CENPF: variants seen among roughly 807,000 people sequenced by gnomAD.
The protein encoded by CENPF is centromere protein F, also known as AH antigen.
In CENPF, 214 loss-of-function variants were observed where a neutral mutation model predicts 307.3. That is an observed-to-expected ratio of 0.70 (90% CI 0.62 to 0.78). CENPF has a LOEUF of 0.78. Among genes scored for constraint, CENPF ranks in the 30% least tolerant of loss-of-function variants. The probability of loss-of-function intolerance (pLI) is 0.00; values close to 1 mark genes in which losing one functional copy is unlikely to be tolerated. For missense variants in CENPF, 3,401 were observed against 3,483.9 expected, an observed-to-expected ratio of 0.98 and a Z score of 0.60; for synonymous variants, 1,259 against 1,270.6, an observed-to-expected ratio of 0.99 and a Z score of 0.19.
At chr1:214,653,466 ACT>A (rs60427464) in intron 16 of CENPF, 1,904 of 48,794 alleles carry the variant, frequency 0.039, 43 homozygotes, top group African/African-American at 0.065. Flanking sequence ...GGATCATAGA[ACT>A]TTTTTTTTTT....
Position 214,614,863 on chromosome 1 carries a change from T to A in CENPF, c.194T>A (p.Leu65Gln), listed in dbSNP as rs1256814517. 6.2e-7 allele frequency: 1 copy of A among 1,601,404 alleles called. No individual in the cohort carries two copies. The highest frequency in any genetic ancestry group is 8.5e-7 in the Non-Finnish European group (1 of 1,175,800). The change falls in exon 3 of 20, where the codon CTG becomes CAG. Residue 65 changes from leucine (L) to glutamine (Q), a missense_variant. Coordinates refer to ENST00000366955, the MANE Select transcript of CENPF (RefSeq NM_016343.4). Reference sequence around the variant, plus strand: ...AATGAAAAAACCGAGGGTACAAACCTGAAAAGGGAGAATCAAAGATTGATG... The same window carrying A: ...AATGAAAAAACCGAGGGTACAAACCAGAAAAGGGAGAATCAAAGATTGATG... Reference protein sequence around the residue: ...VENEKTEGTNLKRENQRLMEI... With the variant: ...VENEKTEGTNQKRENQRLMEI...
chr1:214,642,211 C>T lies in CENPF; in HGVS notation c.3873C>T (p.Cys1291=). ...AAAACGACAATGCACACCTTCAGTGCTCTCTGCAAACAACAATGAACAAGC... is the reference window on the plus strand; with the variant it reads ...AAAACGACAATGCACACCTTCAGTGTTCTCTGCAAACAACAATGAACAAGC... ...TSQNDNAHLQ[C]SLQTTMNKLN... The change falls in exon 12 of 20, where the codon TGC becomes TGT. Residue 1291 remains cysteine (C), a synonymous_variant. Transcript: ENST00000366955. 1 of 1,614,120 alleles carries T rather than the reference C, an allele frequency of 6.2e-7. No homozygotes were observed. The highest frequency in any genetic ancestry group is 8.5e-7 in the Non-Finnish European group (1 of 1,180,010).
chr1:214,652,837 G>A lies in CENPF; in HGVS notation c.8170G>A (p.Glu2724Lys). 6.3e-7 allele frequency: 1 copy of A among 1,582,980 alleles called. No individual in the cohort carries two copies. Among genetic ancestry groups the A allele is most frequent in the East Asian group, 2.2e-5 (1 of 44,490 alleles). ...GTTTGTTTTGCTCTAGTATGAAGTA[G>A]AAATCCAGACATACCGAGAGAAATT... ...LLDTNKQYEVEIQTYREKLTS... is the reference protein window; with the variant it reads ...LLDTNKQYEVKIQTYREKLTS... The change falls in exon 16 of 20, where the codon GAA (glutamate) becomes AAA (lysine). Residue 2724 changes from glutamate to lysine, a missense_variant. Coordinates refer to ENST00000366955, the MANE Select transcript of CENPF (RefSeq NM_016343.4).
At chr1:214,634,728 AG>A (rs1467595773) in intron 10 of CENPF, among the ~76,000 whole-genome samples, 18 of 152,224 alleles carry the variant, frequency 1.2e-4, no homozygotes, top group African/African-American at 4.3e-4. Flanking sequence ...AAGTGTGATC[AG>A]GGGACAGTGC....
intron 11 of CENPF, among the ~76,000 whole-genome samples, 154 bp downstream of exon 11, chr1:214,638,155 C>T (rs780732103): frequency 2.0e-5 from 3 of 152,120 alleles, no homozygotes; most frequent in African/African-American, 7.2e-5. Flanking sequence ...AGTTTTCCCT[C>T]TTCTAGTTTT....
rs765018216 is a variant in CENPF, at chr1:214,614,849, C to T, written c.180C>T (p.Thr60=). 5.1e-6 allele frequency: 8 copies of T among 1,573,862 alleles called. No homozygotes were observed. Among genetic ancestry groups the T allele is most frequent in the Non-Finnish European group, 6.9e-6 (8 of 1,164,178 alleles). Residue 60 remains threonine (T), a synonymous_variant, in exon 3 of 20, where the codon ACC becomes ACT. Coordinates refer to ENST00000366955, the MANE Select transcript of CENPF (RefSeq NM_016343.4). The part of the protein sequence containing the change: ...KQKQKVENEK[T]EGTNLKRENQ... ...CTCATTAGGTTGAAAATGAAAAAACCGAGGGTACAAACCTGAAAAGGGAGA... is the reference window on the plus strand; with the variant it reads ...CTCATTAGGTTGAAAATGAAAAAACTGAGGGTACAAACCTGAAAAGGGAGA...
intron 1 of CENPF, among the ~76,000 whole-genome samples, chr1:214,610,449 CT>C (rs1227431827): frequency 6.8e-6 from 1 of 147,668 alleles, no homozygotes; most frequent in Non-Finnish European, 1.5e-5. Flanking sequence ...TGATATTGAG[CT>C]TTTTTTCATA....
intron 1 of CENPF, among the ~76,000 whole-genome samples, chr1:214,611,145 C>T (rs1399794806): frequency 1.3e-5 from 2 of 152,004 alleles, no homozygotes; most frequent in Non-Finnish European, 2.9e-5. Flanking sequence ...TTTGCTTAGG[C>T]TTGTCTTGGC....
chr1:214,652,722 T>A, intron 15 of CENPF, 106 bp from the exon 16 acceptor site: 2 of 941,868 alleles, frequency 2.1e-6, no homozygotes, highest in Non-Finnish European at 1.5e-6. Context: ...GGATTACAGG[T>A]GTGAAACACT....
chr1:214,642,352 G>GGCAGAA lies in CENPF; in HGVS notation c.4015_4016insCAGAAG (p.Glu1338_Val1339insAlaGlu), dbSNP rs773341772. The GGCAGAA allele has an allele frequency of 1.3e-5, 21 of 1,613,378 alleles. No individual in the cohort carries two copies. The highest frequency in any genetic ancestry group is 1.8e-5 in the Non-Finnish European group (21 of 1,179,790). On this transcript the variant is annotated inframe_insertion, in exon 12 of 20. Transcript: ENST00000366955. ...CAGCAACTAGGAAAATGGCAGAAGA[G>GGCAGAA]GTAGGGAAACTACTAAATGAAGTTA... is the stretch of plus-strand genomic sequence containing the variant.
In CENPF at chr1:214,664,472, C is replaced by T. The variant is rs1284951454; in HGVS notation, c.*678C>T. On this transcript the variant is annotated 3_prime_UTR_variant, in exon 20 of 20. Transcript: ENST00000366955. Reference sequence around the variant, plus strand: ...CGTTGTGCTTTTTTCTGTTTTTAGACCAATTTTTTACAGTTCTTTGGTAAG... The same window carrying T: ...CGTTGTGCTTTTTTCTGTTTTTAGATCAATTTTTTACAGTTCTTTGGTAAG... 3 of 152,232 alleles carry T rather than the reference C, an allele frequency of 2.0e-5. No individual in the cohort carries two copies. The highest frequency in any genetic ancestry group is 4.4e-5 in the Non-Finnish European group (3 of 68,032). 9.4% of individuals were successfully genotyped at this position (152,232 alleles called of 1,614,324 possible). A position where few individuals can be genotyped will look rare whatever the true frequency, so the allele number is the denominator to read the frequency against.
chr1:214,626,460 A>G (rs1232634352), intron 7 of CENPF, among the ~76,000 whole-genome samples: 1 of 152,214 alleles, frequency 6.6e-6, no homozygotes, highest in African/African-American at 2.4e-5. Flanking sequence ...CCTTATACAG[A>G]GAAATTCTGG....
In CENPF at chr1:214,643,218, A is replaced by G; in HGVS notation, c.4880A>G (p.Glu1627Gly). ...TLEMESKLAA[E>G]KKQTEQLSLE... ...GAGATGGAGTCCAAGTTGGCGGCAG[A>G]AAAGAAACAGACGGAACAACTGTCA... Residue 1627 changes from glutamate to glycine, a missense_variant, in exon 12 of 20, where the codon GAA becomes GGA. Physicochemically the swap from Glu to Gly is moderately conservative, Grantham distance 98. Coordinates refer to ENST00000366955, the MANE Select transcript of CENPF (RefSeq NM_016343.4). The G allele has an allele frequency of 6.2e-7, 1 of 1,603,834 alleles. No homozygotes were observed.
intron 1 of CENPF, among the ~76,000 whole-genome samples, chr1:214,607,049 C>T (rs1010776245): frequency 3.9e-5 from 6 of 152,208 alleles, no homozygotes; most frequent in African/African-American, 9.6e-5. Context: ...CTCCACAGCT[C>T]GCCACTCACC....
At chr1:214,608,745 C>A (rs1657111327) in intron 1 of CENPF, 3 of 1,599,352 alleles carry the variant, frequency 1.9e-6, no homozygotes, top group Non-Finnish European at 2.5e-6. Flanking sequence ...AATAGGTGGC[C>A]TCCGGCGGCA....
At chr1:214,625,747 G>A (rs1657637617) in intron 7 of CENPF, among the ~76,000 whole-genome samples, 1 of 151,904 alleles carries the variant, frequency 6.6e-6, no homozygotes, top group South Asian at 2.1e-4. Flanking sequence ...AGAGCTTCTA[G>A]TGATTGTTCT....
chr1:214,639,062 G>A (rs1449354129), intron 11 of CENPF, among the ~76,000 whole-genome samples: 1 of 152,140 alleles, frequency 6.6e-6, no homozygotes, highest in East Asian at 1.9e-4. Context: ...TTAGAAGTTC[G>A]TACTGCTTTC....
At chr1:214,612,789 T>A (rs2102529053) in intron 1 of CENPF, among the ~76,000 whole-genome samples, 1 of 152,292 alleles carries the variant, frequency 6.6e-6, no homozygotes, top group East Asian at 1.9e-4. Flanking sequence ...GACAAAAAAT[T>A]AGTATAATTT....
chr1:214,616,662 T>C (rs1179477101), intron 3 of CENPF, among the ~76,000 whole-genome samples: 1 of 152,194 alleles, frequency 6.6e-6, no homozygotes, highest in Admixed American at 6.5e-5. Context: ...AACATTTCCA[T>C]TGGACCTTGC....
Sources: allele counts gnomAD v4.1 joint callset (sites outside exome capture counted in the v4.1 genomes callset), GRCh38; gene constraint gnomAD v4.1.1; transcripts MANE v1.5; gene names NCBI Gene and HGNC (gene_info 2026-07-23, HGNC 2026-07-21).